The following SGCG variants were observed in gnomAD, a reference collection of about 807,000 sequenced individuals.
SGCG encodes the protein sarcoglycan gamma.
A neutral mutation model predicts 29.3 loss-of-function variants in SGCG; 26 were observed. That is an observed-to-expected ratio of 0.89 (90% CI 0.65 to 1.23). The LOEUF is 1.23. Ranked by LOEUF, SGCG falls within the 50% of genes most tolerant of loss-of-function variation. The pLI is 0.00. For missense variants in SGCG, 353 were observed against 356.0 expected, an observed-to-expected ratio of 0.99 and a Z score of 0.07; for synonymous variants, 145 against 129.7, an observed-to-expected ratio of 1.12 and a Z score of -0.80.
Position 23,241,300 on chromosome 13 carries a change from C to T in SGCG, c.297+6588C>T, listed in dbSNP as rs139818490. ...AAAGGAGACATCATAATGGATACCA[C>T]AGAAATACAAAACATCATCATTAGA... On this transcript the variant is annotated intron_variant, in intron 3 of 7. Transcript: ENST00000218867. Among the ~76,000 whole-genome samples the T allele has an allele frequency of 7.8e-3, 1,178 of 151,874 alleles. 19 individuals carry two copies. Among genetic ancestry groups the T allele is most frequent in the African/African-American group, 0.027 (1,100 of 41,446 alleles).
At chr13:23,217,141 G>C (rs1204149253) in intron 2 of SGCG, among the ~76,000 whole-genome samples, 3 of 152,120 alleles carry the variant, frequency 2.0e-5, no homozygotes, top group Admixed American at 1.3e-4. Flanking sequence ...CATATGAGGA[G>C]AGGTTCTAAT....
intron 6 of SGCG, among the ~76,000 whole-genome samples, chr13:23,299,429 TATATATATATATA>T (rs1566037360): frequency 7.0e-4 from 10 of 14,248 alleles, no homozygotes; most frequent in African/African-American, 1.7e-3. Flanking sequence ...TATATATATA[TATATATATATATA>T]TATATATATA....
intron 4 of SGCG, among the ~76,000 whole-genome samples, chr13:23,256,072 T>A (rs1365157348): frequency 1.3e-5 from 2 of 152,188 alleles, no homozygotes; most frequent in Non-Finnish European, 2.9e-5. Context: ...CCAAAGCTAG[T>A]TGACAATAAC....
intron 2 of SGCG, among the ~76,000 whole-genome samples, chr13:23,230,592 T>C (rs1879071016): frequency 6.6e-6 from 1 of 152,204 alleles, no homozygotes; most frequent in African/African-American, 2.4e-5. Flanking sequence ...TTAGGGGTGC[T>C]GTTAATGTAT....
chr13:23,179,323 T>G (rs1473713306), upstream of SGCG, among the ~76,000 whole-genome samples: 8 of 152,318 alleles, frequency 5.3e-5, no homozygotes, highest in South Asian at 1.7e-3. Flanking sequence ...TAGGTGTGGA[T>G]AGTATTAAAT....
rs192185174 is a variant in SGCG, at chr13:23,194,580, A to G, written c.1-9115A>G. Reference sequence around the variant, plus strand: ...ATGTTGGCAGTGCAGTGTTAGGTCCATTAACTTCTGATAGCAGAGGCCAGC... The same window carrying G: ...ATGTTGGCAGTGCAGTGTTAGGTCCGTTAACTTCTGATAGCAGAGGCCAGC... On this transcript the variant is annotated intron_variant, in intron 1 of 7. Coordinates refer to ENST00000218867, the MANE Select transcript of SGCG (RefSeq NM_000231.3). Among the ~76,000 whole-genome samples the G allele has an allele frequency of 2.8e-3, 422 of 152,298 alleles. 4 individuals carry two copies. Among genetic ancestry groups the G allele is most frequent in the Non-Finnish European group, 5.2e-3 (351 of 68,026 alleles).
the SGCG span, among the ~76,000 whole-genome samples, chr13:23,171,769 A>T: frequency 6.6e-6 from 1 of 152,152 alleles, no homozygotes; most frequent in African/African-American, 2.4e-5. Flanking sequence ...TCCTATGAGA[A>T]TCTCATGCCT....
rs1242416524 is a variant in SGCG at position 23,255,095 on chromosome 13, G to A, written c.385+4378G>A. The stretch of plus-strand genomic sequence containing the variant: ...CCCTACTGGGGCATTGCCTAGTGGA[G>A]CTATGGGAAGGGAGCCACTGCCCTC... On this transcript the variant is annotated intron_variant, in intron 4 of 7. Transcript: ENST00000218867. Among the ~76,000 whole-genome samples, 3 of 152,230 alleles carry A rather than the reference G, an allele frequency of 2.0e-5. No homozygotes were observed. In the East Asian group the frequency reaches 5.8e-4, roughly 29 times the overall value.
At chr13:23,260,798 C>T (rs1411323006) in intron 4 of SGCG, among the ~76,000 whole-genome samples, 3 of 151,914 alleles carry the variant, frequency 2.0e-5, no homozygotes, top group African/African-American at 7.2e-5. Context: ...TTCTCCTTCG[C>T]TTATGAAGCT....
intron 4 of SGCG, chr13:23,269,217 A>G (rs1208229708): frequency 6.6e-6 from 1 of 152,236 alleles, no homozygotes; most frequent in East Asian, 1.9e-4. Context: ...TCTGAATATT[A>G]GTCAATAGTC....
rs1593208127 is a variant in SGCG at position 23,268,450 on chromosome 13, A to T, written c.386-10909A>T. The T allele has an allele frequency of 2.6e-5, 4 of 152,716 alleles. No homozygotes were observed. The South Asian group carries it at 8.3e-4, about 32-fold the overall frequency. The allele number at this position is 152,716 out of a possible 1,614,324, so 9.5% of individuals were successfully genotyped here. Reference sequence around the variant, plus strand: ...CAAATTCTCAGATACTACAGAAGAGATTCTGAGACAAGCCTACAGAGGCCT... The same window carrying T: ...CAAATTCTCAGATACTACAGAAGAGTTTCTGAGACAAGCCTACAGAGGCCT... On this transcript the variant is annotated intron_variant, in intron 4 of 7. Transcript: ENST00000218867.
chr13:23,299,448 A>AT (rs1452293006), intron 6 of SGCG, among the ~76,000 whole-genome samples: 228 of 11,756 alleles, frequency 0.019, 5 homozygotes, highest in Non-Finnish European at 0.037. Context: ...ATATATATAT[A>AT]TATATATATT....
At chr13:23,273,766 T>C (rs1478287719) in intron 4 of SGCG, among the ~76,000 whole-genome samples, 1 of 152,204 alleles carries the variant, frequency 6.6e-6, no homozygotes, top group East Asian at 1.9e-4. Context: ...ATGAAAGTCA[T>C]TGATGTTTGT....
At chr13:23,247,501 C>T (rs1397115368) in intron 3 of SGCG, among the ~76,000 whole-genome samples, 1 of 152,084 alleles carries the variant, frequency 6.6e-6, no homozygotes, top group Non-Finnish European at 1.5e-5. Context: ...CAAAGAGTTT[C>T]CCAATCTAAA....
intron 6 of SGCG, among the ~76,000 whole-genome samples, chr13:23,318,152 T>A (rs1882895089): frequency 6.6e-6 from 1 of 152,116 alleles, no homozygotes; most frequent in Non-Finnish European, 1.5e-5. Flanking sequence ...CTTGTGATCA[T>A]GTAAGTTAAT....
intron 6 of SGCG, among the ~76,000 whole-genome samples, chr13:23,309,061 C>T (rs1384754765): frequency 6.6e-6 from 1 of 151,818 alleles, no homozygotes; most frequent in Non-Finnish European, 1.5e-5. Context: ...TAGGTTTGGC[C>T]CATAATTATT....
chr13:23,237,171 C>A (rs567312052), intron 3 of SGCG, among the ~76,000 whole-genome samples: 4 of 152,252 alleles, frequency 2.6e-5, no homozygotes, highest in South Asian at 4.2e-4. Flanking sequence ...CCAGTAACCC[C>A]TCAAAAGTAA....
intron 2 of SGCG, among the ~76,000 whole-genome samples, chr13:23,233,379 C>T (rs566178891): frequency 6.6e-6 from 1 of 152,220 alleles, no homozygotes; most frequent in South Asian, 2.1e-4. Flanking sequence ...TTCATAGAGA[C>T]AGAAACGCTA....
chr13:23,315,638 G>A (rs1361804838), intron 6 of SGCG, among the ~76,000 whole-genome samples: 3 of 152,196 alleles, frequency 2.0e-5, no homozygotes, highest in African/African-American at 7.2e-5. Flanking sequence ...AGCAGTGAAG[G>A]GGAATCTTCC....
Sources: allele counts gnomAD v4.1 joint callset (sites outside exome capture counted in the v4.1 genomes callset), GRCh38; gene constraint gnomAD v4.1.1; transcripts MANE v1.5; gene names NCBI Gene and HGNC (gene_info 2026-07-23, HGNC 2026-07-21).